Variants in MED6 observed in about 807,000 individuals in gnomAD.
The protein encoded by MED6 is mediator of RNA polymerase II transcription subunit 6.
A neutral mutation model predicts 37.5 loss-of-function variants in MED6; 33 were observed. The ratio of observed to expected loss-of-function variants is 0.88; its 90% CI spans 0.67 to 1.18. The LOEUF is 1.18. Ranked by LOEUF, MED6 falls within the 50% of genes most tolerant of loss-of-function variation. The pLI, the probability that MED6 is intolerant of heterozygous loss-of-function variation, is 0.00. For missense variants in MED6, 235 were observed against 290.6 expected, an observed-to-expected ratio of 0.81 and a Z score of 1.39; for synonymous variants, 94 against 93.6, an observed-to-expected ratio of 1.00 and a Z score of -0.02.
At chr14:70,586,823 A>AT (rs1884721864) in intron 6 of MED6, among the ~76,000 whole-genome samples, 1 of 152,196 alleles carries the variant, frequency 6.6e-6, no homozygotes. Context: ...GCTTCACATT[A>AT]TTATCCACTG....
At chr14:70,593,435 A>G (rs1884945075) in intron 3 of MED6, 57 bp from the exon 4 acceptor site, 2 of 1,266,106 alleles carry the variant, frequency 1.6e-6, no homozygotes, top group South Asian at 1.3e-5. Context: ...ACTGCTAAAC[A>G]GATTCTCATA....
intron 7 of MED6, among the ~76,000 whole-genome samples, chr14:70,585,248 G>GT (rs1219328601): frequency 1.3e-5 from 2 of 152,164 alleles, no homozygotes; most frequent in Non-Finnish European, 2.9e-5. Flanking sequence ...TTTCAATAAT[G>GT]TAACAGAAAA....
At chr14:70,593,175 T>C in intron 4 of MED6, 121 bp downstream of exon 4, 1 of 1,211,214 alleles carries the variant, frequency 8.3e-7, no homozygotes, top group Non-Finnish European at 1.2e-6. Flanking sequence ...GTTCAAGACA[T>C]TCTAATAGTC....
intron 7 of MED6, among the ~76,000 whole-genome samples, chr14:70,585,255 A>C (rs566309766): frequency 1.3e-5 from 2 of 152,358 alleles, no homozygotes; most frequent in South Asian, 4.1e-4. Context: ...AATGTAACAG[A>C]AAACATCATT....
At chr14:70,593,426 C>T in intron 3 of MED6, 48 bp from the exon 4 acceptor site, 1 of 1,328,962 alleles carries the variant, frequency 7.5e-7, no homozygotes, top group South Asian at 1.2e-5. Flanking sequence ...TGGACACAAA[C>T]TGCTAAACAG....
intron 6 of MED6, among the ~76,000 whole-genome samples, chr14:70,588,662 G>A (rs1409880552): frequency 2.4e-4 from 36 of 149,728 alleles, no homozygotes; most frequent in African/African-American, 8.8e-4. Flanking sequence ...CTCCAGCCTG[G>A]GCGACAGAGT....
chr14:70,587,455 T>G (rs561584038), intron 6 of MED6, among the ~76,000 whole-genome samples: 1 of 152,146 alleles, frequency 6.6e-6, no homozygotes, highest in Non-Finnish European at 1.5e-5. Flanking sequence ...CAAAGTAATT[T>G]TGAGGGAATA....
chr14:70,589,815 C>G (rs1254307267), intron 6 of MED6, among the ~76,000 whole-genome samples: 1 of 152,188 alleles, frequency 6.6e-6, no homozygotes, highest in African/African-American at 2.4e-5. Flanking sequence ...AGTAAACCTT[C>G]AGAGGATTCT....
intron 2 of MED6, 37 bp from the exon 3 acceptor site, chr14:70,596,739 C>T (rs753419660): frequency 3.7e-5 from 52 of 1,406,030 alleles, no homozygotes; most frequent in Non-Finnish European, 4.4e-5. Context: ...GATCTATAAA[C>T]GCCCTACAAA....
At chr14:70,587,446 A>G (rs1884743772) in intron 6 of MED6, among the ~76,000 whole-genome samples, 1 of 152,220 alleles carries the variant, frequency 6.6e-6, no homozygotes, top group Non-Finnish European at 1.5e-5. Context: ...TAACATGTCC[A>G]AAGTAATTTT....
chr14:70,594,551 C>T, intron 3 of MED6: 1 of 398,692 alleles, frequency 2.5e-6, no homozygotes, highest in South Asian at 2.2e-5. Flanking sequence ...CCCCAGACAG[C>T]ATGAGTTTCA....
intron 3 of MED6, chr14:70,594,954 C>A (rs995347468): frequency 1.7e-6 from 1 of 603,468 alleles, no homozygotes. Context: ...ACTTCAAGAC[C>A]ATCGAGGACC....
In MED6 at chr14:70,584,844, C is replaced by G; in HGVS notation, c.710G>C (p.Gly237Ala). Residue 237 changes from glycine to alanine, a missense_variant, in exon 8 of 8, where the codon GGC becomes GCC. By Grantham distance (60) the Gly-to-Ala change is moderately conservative (BLOSUM62 0). Coordinates refer to ENST00000256379, the MANE Select transcript of MED6 (RefSeq NM_005466.4). ...AAGTCTCATCCGTTTTTCAGGGGGG[C>G]CTTTAGCACTCACTGTCTGTTGTAC... Reference protein sequence around the residue: ...KNVQQTVSAKGPPEKRMRLQ With the variant: ...KNVQQTVSAKAPPEKRMRLQ 9 of 1,614,044 alleles carry G rather than the reference C, an allele frequency of 5.6e-6. No homozygotes were observed. The highest frequency in any genetic ancestry group is 3.3e-4 in the Middle Eastern group (2 of 6,060).
intron 3 of MED6, chr14:70,594,983 C>A: frequency 1.7e-6 from 1 of 592,064 alleles, no homozygotes. Flanking sequence ...CAGATCTTCT[C>A]AAGTACTGTG....
At chr14:70,595,581 C>A in intron 3 of MED6, 1 of 719,378 alleles carries the variant, frequency 1.4e-6, no homozygotes, top group East Asian at 2.9e-5. Context: ...GGAGTTGGAG[C>A]TGGCACAGGC....
chr14:70,597,708 TC>T lies in MED6; in HGVS notation c.91del (p.Asp31IlefsTer25). 11 of 1,564,230 alleles carry T rather than the reference TC, an allele frequency of 7.0e-6. No homozygotes were observed. The highest frequency in any genetic ancestry group is 8.6e-6 in the Non-Finnish European group (10 of 1,163,950). On this transcript the variant is annotated frameshift_variant, in exon 2 of 8. Transcript: ENST00000256379. LOFTEE classifies it high-confidence loss of function. ...AGGATTACTTCTTTCTGAAAAGTAA[TC>T]CAGGACACTACCACTGTTCAAAATA... ...IPILNSGSVL[D>X]YFSERSNPFY...
chr14:70,587,288 C>A (rs1281332714), intron 6 of MED6, among the ~76,000 whole-genome samples: 1 of 152,104 alleles, frequency 6.6e-6, no homozygotes, highest in Non-Finnish European at 1.5e-5. Flanking sequence ...CTATATACAT[C>A]CTTGCTATAT....
intron 3 of MED6, chr14:70,595,338 G>A (rs1885011711): frequency 3.6e-6 from 2 of 556,276 alleles, no homozygotes; most frequent in Admixed American, 4.0e-5. Flanking sequence ...AGAGGAGCTA[G>A]ACAAGTACTG....
rs1275957536 is a variant in MED6 at position 70,584,187 on chromosome 14, T to C, written c.*626A>G. 2.7e-6 allele frequency: 2 copies of C among 754,558 alleles called. No individual in the cohort carries two copies. The highest frequency in any genetic ancestry group is 2.4e-5 in the East Asian group (1 of 40,998). The allele number at this position is 754,558 out of a possible 1,614,324, so 46.7% of individuals were successfully genotyped here. ...TTTAACATCCTTTATGTCTTCAAAG[T>C]GCATCTGAAAAATATCAGTTATGAT... On this transcript the variant is annotated 3_prime_UTR_variant, in exon 8 of 8. Coordinates refer to ENST00000256379, the MANE Select transcript of MED6 (RefSeq NM_005466.4).
Sources: allele counts gnomAD v4.1 joint callset (sites outside exome capture counted in the v4.1 genomes callset), GRCh38; gene constraint gnomAD v4.1.1; transcripts MANE v1.5; gene names NCBI Gene and HGNC (gene_info 2026-07-23, HGNC 2026-07-21).